Variants in SLC27A1 observed in about 807,000 individuals in gnomAD.
SLC27A1 encodes the protein solute carrier family 27 member 1, also known as long-chain fatty acid transport protein 1.
Under a neutral mutation model 62.2 loss-of-function variants are expected in SLC27A1, and 61 were observed. The observed-to-expected ratio is 0.98, with a 90% CI of 0.80 to 1.21. The LOEUF is 1.21. Ranked by LOEUF, SLC27A1 falls within the 50% of genes most tolerant of loss-of-function variation. SLC27A1 has a pLI of 0.00. For synonymous variants in SLC27A1, 435 were observed against 408.6 expected, an observed-to-expected ratio of 1.06 and a Z score of -0.78; for missense variants, 903 against 932.1, an observed-to-expected ratio of 0.97 and a Z score of 0.41.
In SLC27A1 at chr19:17,470,608, C is replaced by A. The variant is rs750823587; in HGVS notation, c.68C>A (p.Pro23Gln). The A allele has an allele frequency of 1.3e-6, 2 of 1,569,422 alleles. No individual in the cohort carries two copies. The highest frequency in any genetic ancestry group is 2.3e-5 in the South Asian group (2 of 87,246). ...SLALLWLLGL[P>Q]WTWSAAAALG... ...GCGCTGTTGTGGCTGCTGGGGCTGC[C>A]GTGGACCTGGAGCGCGGCAGCGGCG... The change falls in exon 1 of 12, where the codon CCG (proline) becomes CAG (glutamine). Residue 23 changes from proline (P) to glutamine (Q), a missense_variant. Coordinates refer to ENST00000252595, the MANE Select transcript of SLC27A1 (RefSeq NM_198580.3).
intron 7 of SLC27A1, chr19:17,499,905 A>C: frequency 1.4e-5 from 3 of 217,644 alleles, no homozygotes; most frequent in Admixed American, 1.0e-4. Flanking sequence ...AACATGTTGG[A>C]GAAGCATTTC....
At chr19:17,500,198 C>T (rs1599673096) in intron 7 of SLC27A1, 80 bp from the exon 8 acceptor site, 1 of 1,563,048 alleles carries the variant, frequency 6.4e-7, no homozygotes, top group Non-Finnish European at 8.7e-7. Flanking sequence ...GTCCAAGCCC[C>T]AGGGCAAGGC....
At chr19:17,470,827 A>T in intron 1 of SLC27A1, 120 bp downstream of exon 1, 3 of 91,838 alleles carry the variant, frequency 3.3e-5, no homozygotes, top group African/African-American at 2.0e-4. Context: ...GGTGCTTTGT[A>T]GGTTGGGGGC....
At position 17,488,719 on chromosome 19, in the gene SLC27A1, G is replaced by A. The variant is rs897405090; in HGVS notation, c.795-129G>A. ...ATTGTTGGTTGCGTGTTTCCTTCCT[G>A]CCAGCCTGTGAACTCATGCGAACTG... On this transcript the variant is annotated intron_variant, in intron 4 of 11. Transcript: ENST00000252595. 7 of 738,226 alleles carry A rather than the reference G, an allele frequency of 9.5e-6. No individual in the cohort carries two copies. In the South Asian group the frequency reaches 1.2e-4, roughly 12 times the overall value. The allele number at this position is 738,226 out of a possible 1,614,324, so 45.7% of individuals were successfully genotyped here. A position where few individuals can be genotyped will look rare whatever the true frequency, so the allele number is the denominator to read the frequency against.
intron 1 of SLC27A1, among the ~76,000 whole-genome samples, chr19:17,478,195 G>A (rs949886584): frequency 2.0e-4 from 30 of 152,224 alleles, no homozygotes; most frequent in Non-Finnish European, 2.2e-4. Flanking sequence ...AGCTGGGCGC[G>A]GTGGCTCATG....
chr19:17,471,163 AATAG>A (rs1204969056), intron 1 of SLC27A1, among the ~76,000 whole-genome samples: 1 of 151,310 alleles, frequency 6.6e-6, no homozygotes, highest in Non-Finnish European at 1.5e-5. Context: ...GGGACGACCC[AATAG>A]ATAGTCTCTG....
In SLC27A1 at chr19:17,488,941, T is replaced by C; in HGVS notation, c.886+2T>C. The C allele has an allele frequency of 1.2e-6, 2 of 1,614,000 alleles. No homozygotes were observed. The highest frequency in any genetic ancestry group is 1.1e-5 in the South Asian group (1 of 91,080). ...GCCTGCCCCTGTACCACTCGGCAGGTACTACGGCCTGGGTAGGGAATGGTG... is the reference window on the plus strand; with the variant it reads ...GCCTGCCCCTGTACCACTCGGCAGGCACTACGGCCTGGGTAGGGAATGGTG... On this transcript the variant is annotated splice_donor_variant, in intron 5 of 11. Transcript: ENST00000252595. LOFTEE classifies it high-confidence loss of function.
chr19:17,497,801 C>T (rs377545140), intron 7 of SLC27A1: 3 of 317,738 alleles, frequency 9.4e-6, no homozygotes, highest in Non-Finnish European at 1.8e-5. Context: ...CTCTGTGTAC[C>T]GTGCTGTTAT....
chr19:17,492,592 G>A (rs1381078013), intron 6 of SLC27A1, among the ~76,000 whole-genome samples: 1 of 146,248 alleles, frequency 6.8e-6, no homozygotes, highest in Admixed American at 6.9e-5. Context: ...CTCCAGCCTG[G>A]GTGACAAGAG....
At position 17,488,905 on chromosome 19, in the gene SLC27A1, GCTCT is replaced by G. The variant is rs776897861; in HGVS notation, c.853_856del (p.Leu285MetfsTer24). On this transcript the variant is annotated frameshift_variant, in exon 5 of 12. Transcript: ENST00000252595. LOFTEE classifies it high-confidence loss of function. Reference sequence around the variant, plus strand: ...CCTACCGCATGCAGGCGGCTGACGTGCTCTATGACTGCCTGCCCCTGTACCACTC... The same window carrying G: ...CCTACCGCATGCAGGCGGCTGACGTGATGACTGCCTGCCCCTGTACCACTC... The G allele has an allele frequency of 1.2e-6, 2 of 1,614,094 alleles. No individual in the cohort carries two copies. Among genetic ancestry groups the G allele is most frequent in the South Asian group, 2.2e-5 (2 of 91,082 alleles).
intron 6 of SLC27A1, among the ~76,000 whole-genome samples, chr19:17,491,881 T>TAA (rs891887715): frequency 1.3e-5 from 2 of 151,368 alleles, no homozygotes; most frequent in Non-Finnish European, 2.9e-5. Context: ...CTCAAAAAAA[T>TAA]AAAAAAAAGA....
intron 1 of SLC27A1, among the ~76,000 whole-genome samples, chr19:17,478,739 C>T (rs55866812): frequency 0.47 from 71,709 of 151,546 alleles, 17,346 homozygotes; most frequent in South Asian, 0.54. Context: ...CGCCTGTAGT[C>T]CCAGCTACTC....
Position 17,504,900 on chromosome 19 carries a change from C to A in SLC27A1, c.*288C>A, listed in dbSNP as rs1478344298. On this transcript the variant is annotated 3_prime_UTR_variant, in exon 12 of 12. Coordinates refer to ENST00000252595, the MANE Select transcript of SLC27A1 (RefSeq NM_198580.3). ...CTCTTTTTCTTTTCTTTCTTTCTTT[C>A]TTTTTTTTTTAAGATAGAGTCTCAC... 5.8e-6 allele frequency: 3 copies of A among 519,978 alleles called. No individual in the cohort carries two copies. Among genetic ancestry groups the A allele is most frequent in the Non-Finnish European group, 1.1e-5 (3 of 274,798 alleles). The allele number at this position is 519,978 out of a possible 1,614,324, so 32.2% of individuals were successfully genotyped here. A position where few individuals can be genotyped will look rare whatever the true frequency, so the allele number is the denominator to read the frequency against.
chr19:17,487,243 A>C lies in SLC27A1; in HGVS notation c.632A>C (p.Glu211Ala), dbSNP rs1416856359. The C allele has an allele frequency of 5.0e-6, 8 of 1,613,864 alleles. No individual in the cohort carries two copies. Among genetic ancestry groups the C allele is most frequent in the Non-Finnish European group, 6.8e-6 (8 of 1,179,972 alleles). ...IKFCSGDLGPEGILPDTHLLD... is the reference protein window; with the variant it reads ...IKFCSGDLGPAGILPDTHLLD... ...TTCTGCTCTGGAGACTTGGGGCCCG[A>C]GGGCATCTTGCCGGACACCCACCTC... Residue 211 changes from glutamate to alanine, a missense_variant, in exon 3 of 12, where the codon GAG (glutamate) becomes GCG (alanine). By Grantham distance (107) the Glu-to-Ala change is moderately radical. Transcript: ENST00000252595.
chr19:17,472,130 C>A (rs1405101331), intron 1 of SLC27A1, among the ~76,000 whole-genome samples: 1 of 152,194 alleles, frequency 6.6e-6, no homozygotes, highest in African/African-American at 2.4e-5. Context: ...AGCGGTGGCT[C>A]ACGCCTGTAA....
At chr19:17,500,982 A>G in intron 10 of SLC27A1, 106 bp downstream of exon 10, 3 of 1,296,184 alleles carry the variant, frequency 2.3e-6, no homozygotes, top group Non-Finnish European at 3.1e-6. Context: ...AACCTGGACA[A>G]CTGCTCATGG....
At chr19:17,496,301 C>CG (rs58766033) in intron 6 of SLC27A1, 5,954 of 151,274 alleles carry the variant, frequency 0.039, 368 homozygotes, top group African/African-American at 0.13. Flanking sequence ...TGTAAAGTGG[C>CG]GGGGGGGGAG....
In SLC27A1 at chr19:17,486,770, C is replaced by A. The variant is rs1479473329; in HGVS notation, c.375C>A (p.Phe125Leu). 3 of 1,605,716 alleles carry A rather than the reference C, an allele frequency of 1.9e-6. No individual in the cohort carries two copies. Among genetic ancestry groups the A allele is most frequent in the Non-Finnish European group, 2.6e-6 (3 of 1,176,362 alleles). ...AVANLFRQLG[F>L]APGDVVAIFL... ...CCAACCTCTTCCGCCAGCTGGGCTT[C>A]GCGCCGGGCGACGTGGTGGCCATCT... is the stretch of plus-strand genomic sequence containing the variant. The change falls in exon 2 of 12, where the codon TTC becomes TTA. Residue 125 changes from phenylalanine to leucine, a missense_variant. Coordinates refer to ENST00000252595, the MANE Select transcript of SLC27A1 (RefSeq NM_198580.3). The surrounding 1 kb of genome is among the most constrained non-coding windows in gnomAD (Gnocchi z 6.6).
At chr19:17,481,848 A>T (rs1234860843) in intron 1 of SLC27A1, among the ~76,000 whole-genome samples, 2 of 150,514 alleles carry the variant, frequency 1.3e-5, no homozygotes, top group Non-Finnish European at 3.0e-5. Flanking sequence ...TAAGGAGGGA[A>T]CTCTCCAGTT....
Sources: gnomAD v4.1 joint callset for allele counts (sites outside exome capture counted in the v4.1 genomes callset) on GRCh38, gnomAD v4.1.1 for gene constraint, Gnocchi (gnomAD v3.1) non-coding constraint, MANE v1.5 for transcripts, NCBI Gene and HGNC (gene_info 2026-07-23, HGNC 2026-07-21) for gene names.